FOXP1: variants seen among roughly 807,000 people sequenced by gnomAD.
FOXP1 encodes the protein forkhead box P1.
In FOXP1, 15 loss-of-function variants were observed where a neutral mutation model predicts 98.2. The ratio of observed to expected loss-of-function variants is 0.15; its 90% CI spans 0.10 to 0.24. The LOEUF is 0.24. Among genes scored for constraint, FOXP1 ranks in the 10% least tolerant of loss-of-function variants. The probability of loss-of-function intolerance (pLI) is 1.00; values close to 1 mark genes in which losing one functional copy is unlikely to be tolerated. For synonymous variants in FOXP1, 371 were observed against 314.5 expected, an observed-to-expected ratio of 1.18 and a Z score of -1.90; for missense variants, 633 against 848.5, an observed-to-expected ratio of 0.75 and a Z score of 3.15.
intron 13 of FOXP1, among the ~76,000 whole-genome samples, chr3:70,988,845 G>C (rs751544996): frequency 9.9e-5 from 15 of 152,156 alleles, no homozygotes; most frequent in Non-Finnish European, 1.5e-4. Flanking sequence ...GGGCATAGGG[G>C]ACACATAACG....
intron 3 of FOXP1, among the ~76,000 whole-genome samples, chr3:71,386,916 A>C (rs933313457): frequency 6.6e-6 from 1 of 152,088 alleles, no homozygotes; most frequent in Non-Finnish European, 1.5e-5. Context: ...CTTAACTCTG[A>C]ATTTGAGGTT....
chr3:71,315,820 G>A (rs989522955), intron 4 of FOXP1, among the ~76,000 whole-genome samples: 10 of 152,226 alleles, frequency 6.6e-5, no homozygotes, highest in Admixed American at 2.0e-4. Context: ...AGTCATGAAT[G>A]TCCCACAGAC....
At chr3:71,417,151 C>T (rs1306421713) in intron 3 of FOXP1, among the ~76,000 whole-genome samples, 2 of 152,294 alleles carry the variant, frequency 1.3e-5, no homozygotes, top group Middle Eastern at 3.4e-3. Flanking sequence ...GGTGGAGCTG[C>T]GGCTGGAGAG....
chr3:71,182,010 G>C (rs2062329226), intron 6 of FOXP1, among the ~76,000 whole-genome samples: 1 of 149,660 alleles, frequency 6.7e-6, no homozygotes, highest in Admixed American at 6.7e-5. Context: ...ACTCCAGCCT[G>C]GGTGACAGAG....
At chr3:71,246,185 G>T (rs774259153) in intron 5 of FOXP1, among the ~76,000 whole-genome samples, 20 of 152,128 alleles carry the variant, frequency 1.3e-4, no homozygotes, top group Non-Finnish European at 2.4e-4. Flanking sequence ...GGTGAGAGCC[G>T]TGGCTGCTCT....
chr3:71,358,131 G>T (rs894534716), intron 4 of FOXP1, among the ~76,000 whole-genome samples: 1 of 152,090 alleles, frequency 6.6e-6, no homozygotes, highest in Non-Finnish European at 1.5e-5. Flanking sequence ...CATACTTGTA[G>T]GCATCCAAAG....
chr3:71,476,727 C>G (rs559160899), intron 3 of FOXP1, among the ~76,000 whole-genome samples: 1 of 150,036 alleles, frequency 6.7e-6, no homozygotes, highest in African/African-American at 2.5e-5. Context: ...TGGTCTCAAA[C>G]TCCTGGCGTC....
intron 6 of FOXP1, among the ~76,000 whole-genome samples, chr3:71,186,450 C>T (rs1051013903): frequency 2.6e-5 from 4 of 152,240 alleles, no homozygotes; most frequent in Admixed American, 6.5e-5. Flanking sequence ...CGGTGGCTCA[C>T]GCCTGTAATC....
chr3:71,399,282 T>C (rs1266713735), intron 3 of FOXP1, among the ~76,000 whole-genome samples: 1 of 152,176 alleles, frequency 6.6e-6, no homozygotes. Context: ...CAGACACATC[T>C]CTAAAGGAGT....
chr3:71,043,137 T>A (rs549118926), intron 10 of FOXP1, among the ~76,000 whole-genome samples: 19 of 152,316 alleles, frequency 1.2e-4, no homozygotes, highest in Middle Eastern at 6.8e-3. Context: ...AATGTTCAAA[T>A]GCTCAAGCAT....
chr3:71,404,318 G>A (rs2082162785), intron 3 of FOXP1, among the ~76,000 whole-genome samples: 1 of 151,444 alleles, frequency 6.6e-6, no homozygotes, highest in African/African-American at 2.4e-5. Flanking sequence ...GTAGAGACAG[G>A]GTTTCTCCAT....
intron 5 of FOXP1, among the ~76,000 whole-genome samples, chr3:71,250,575 C>T (rs569391122): frequency 5.9e-5 from 9 of 152,264 alleles, no homozygotes; most frequent in Non-Finnish European, 1.2e-4. Flanking sequence ...GTACAAAATT[C>T]TTCATATTCA....
intron 7 of FOXP1, among the ~76,000 whole-genome samples, chr3:71,086,096 A>C (rs1479951985): frequency 1.3e-5 from 2 of 152,194 alleles, no homozygotes; most frequent in African/African-American, 4.8e-5. Flanking sequence ...GTCACGATTC[A>C]AACATGAATC....
At chr3:71,220,746 C>T (rs1043916530) in intron 5 of FOXP1, among the ~76,000 whole-genome samples, 1 of 105,098 alleles carries the variant, frequency 9.5e-6, no homozygotes, top group African/African-American at 4.3e-5. Context: ...GAGTGAGACC[C>T]TGTCTCAAAA....
At chr3:71,303,003 T>C (rs751627202) in intron 4 of FOXP1, 2 of 152,208 alleles carry the variant, frequency 1.3e-5, no homozygotes. Flanking sequence ...GCCCTTAATT[T>C]AATCTGTGTG....
chr3:71,056,131 A>G (rs1286746444), intron 7 of FOXP1, among the ~76,000 whole-genome samples: 5 of 152,202 alleles, frequency 3.3e-5, no homozygotes, highest in Admixed American at 1.3e-4. Context: ...AACTCTTCCA[A>G]CTAGACACTG....
chr3:71,072,684 T>C (rs2053391587), intron 7 of FOXP1, among the ~76,000 whole-genome samples: 1 of 152,234 alleles, frequency 6.6e-6, no homozygotes, highest in Non-Finnish European at 1.5e-5. Context: ...ACCACTTTGG[T>C]TCTTTTATTT....
intron 7 of FOXP1, among the ~76,000 whole-genome samples, chr3:71,112,224 A>C (rs2058000456): frequency 6.6e-6 from 1 of 152,164 alleles, no homozygotes. Flanking sequence ...ACATAAGAGA[A>C]TGTGGTGACA....
chr3:71,560,019 A>G (rs1360141124), intron 2 of FOXP1, among the ~76,000 whole-genome samples: 1 of 152,208 alleles, frequency 6.6e-6, no homozygotes. Context: ...GAGAGAGCTA[A>G]GAATGAAGGA....
Sources: gnomAD v4.1 joint callset for allele counts (sites outside exome capture counted in the v4.1 genomes callset) on GRCh38, gnomAD v4.1.1 for gene constraint, MANE v1.5 for transcripts, NCBI Gene and HGNC (gene_info 2026-07-23, HGNC 2026-07-21) for gene names.